Variants in ABHD3 observed in about 807,000 individuals in gnomAD.
ABHD3 encodes the protein phospholipase ABHD3.
ABHD3 carries 46 observed loss-of-function variants against 48.8 expected under a neutral mutation model. The observed-to-expected ratio is 0.94, with a 90% CI of 0.74 to 1.20. ABHD3 has a LOEUF of 1.20. Ranked by LOEUF, ABHD3 falls within the 50% of genes most tolerant of loss-of-function variation. The probability of loss-of-function intolerance (pLI) is 0.00; values close to 1 mark genes in which losing one functional copy is unlikely to be tolerated. For missense variants in ABHD3, 490 were observed against 497.8 expected, an observed-to-expected ratio of 0.98 and a Z score of 0.15; for synonymous variants, 192 against 183.7, an observed-to-expected ratio of 1.04 and a Z score of -0.36.
chr18:21,690,378 A>G (rs1461383677), intron 3 of ABHD3, among the ~76,000 whole-genome samples: 2 of 151,248 alleles, frequency 1.3e-5, no homozygotes, highest in South Asian at 2.1e-4. Context: ...GGGGCAGGCA[A>G]ATCACTTGAG....
chr18:21,658,241 C>T (rs928018382), intron 6 of ABHD3, among the ~76,000 whole-genome samples: 3 of 152,016 alleles, frequency 2.0e-5, no homozygotes, highest in African/African-American at 7.2e-5. Context: ...AGAAAATACA[C>T]AAACAATTCC....
intron 1 of ABHD3, 27 bp from the exon 2 acceptor site, chr18:21,703,774 G>A: frequency 6.2e-7 from 1 of 1,607,318 alleles, no homozygotes; most frequent in South Asian, 1.1e-5. Context: ...TATCAGAGAA[G>A]GGCCCAGAGC....
chr18:21,700,131 C>A (rs1292470638), intron 3 of ABHD3, among the ~76,000 whole-genome samples: 1 of 151,978 alleles, frequency 6.6e-6, no homozygotes, highest in Non-Finnish European at 1.5e-5. Flanking sequence ...GCTCTGTCGC[C>A]CAGGCTGGAG....
Position 21,698,895 on chromosome 18 carries a change from C to G in ABHD3, c.509+3421G>C, listed in dbSNP as rs576084180. ...TGTGCCTGGCTGACATAAACATTTT[C>G]TAAAGACCCACTTTGTGCAGGGCAC... On this transcript the variant is annotated intron_variant, in intron 3 of 8. Coordinates refer to ENST00000289119, the MANE Select transcript of ABHD3 (RefSeq NM_138340.5). Among the ~76,000 whole-genome samples the G allele has an allele frequency of 2.6e-5, 4 of 151,928 alleles. No individual in the cohort carries two copies. The East Asian group carries it at 7.8e-4, about 30-fold the overall frequency.
intron 4 of ABHD3, among the ~76,000 whole-genome samples, chr18:21,668,200 C>CAAAAAAAA (rs747590942): frequency 1.5e-4 from 9 of 61,294 alleles, no homozygotes; most frequent in African/African-American, 2.3e-4. Flanking sequence ...GAATCTATCT[C>CAAAAAAAA]AAAAAAAAAA....
chr18:21,658,096 C>G (rs2850569), intron 6 of ABHD3, among the ~76,000 whole-genome samples: 2,387 of 151,590 alleles, frequency 0.016, 62 homozygotes, highest in African/African-American at 0.054. Flanking sequence ...ACTTGAGAGG[C>G]TGAGATGGGA....
intron 4 of ABHD3, among the ~76,000 whole-genome samples, chr18:21,667,007 C>T (rs1457135950): frequency 6.6e-6 from 1 of 152,092 alleles, no homozygotes; most frequent in Non-Finnish European, 1.5e-5. Context: ...TGTCAATTAA[C>T]CATGATCATG....
chr18:21,683,896 C>T, intron 4 of ABHD3, 24 bp downstream of exon 4: 1 of 1,570,400 alleles, frequency 6.4e-7, no homozygotes, highest in East Asian at 2.3e-5. Context: ...AAAGTTAAGA[C>T]TGTTGTCATT....
At chr18:21,671,033 A>G (rs755493372) in intron 4 of ABHD3, among the ~76,000 whole-genome samples, 6 of 152,000 alleles carry the variant, frequency 3.9e-5, no homozygotes, top group Admixed American at 3.9e-4. Flanking sequence ...AATAAATGTC[A>G]CAACAGGTGA....
At chr18:21,665,571 C>T (rs553181080) in intron 4 of ABHD3, among the ~76,000 whole-genome samples, 1 of 152,212 alleles carries the variant, frequency 6.6e-6, no homozygotes, top group East Asian at 1.9e-4. Flanking sequence ...AATCCCAGCA[C>T]TTTGGGAGGC....
At chr18:21,695,818 T>C (rs2040357387) in intron 3 of ABHD3, among the ~76,000 whole-genome samples, 1 of 152,172 alleles carries the variant, frequency 6.6e-6, no homozygotes, top group Non-Finnish European at 1.5e-5. Flanking sequence ...TCCTTTCTGA[T>C]GTACATTTCC....
intron 3 of ABHD3, among the ~76,000 whole-genome samples, chr18:21,687,802 A>G (rs945073717): frequency 6.6e-6 from 1 of 152,214 alleles, no homozygotes; most frequent in Non-Finnish European, 1.5e-5. Flanking sequence ...TACCTATAGC[A>G]CAGAGTTTCT....
intron 3 of ABHD3, among the ~76,000 whole-genome samples, chr18:21,689,549 CAAAAAAAAAAAAAAA>C (rs36011228): frequency 2.6e-4 from 11 of 41,810 alleles, no homozygotes; most frequent in African/African-American, 1.3e-3. Context: ...AATCTGGTCT[CAAAAAAAAAAAAAAA>C]AAAAAAAAAA....
chr18:21,690,305 AC>A (rs957085928), intron 3 of ABHD3, among the ~76,000 whole-genome samples: 5 of 152,076 alleles, frequency 3.3e-5, no homozygotes, highest in Admixed American at 6.6e-5. Flanking sequence ...TAAAAAAAAA[AC>A]AACATACATG....
chr18:21,656,803 A>T (rs1314534242), intron 8 of ABHD3, 58 bp downstream of exon 8: 1 of 1,418,446 alleles, frequency 7.0e-7, no homozygotes, highest in Non-Finnish European at 9.4e-7. Context: ...TTCCTTAAAA[A>T]TAACAATATA....
At chr18:21,673,396 C>T (rs776927176) in intron 4 of ABHD3, among the ~76,000 whole-genome samples, 20 of 151,924 alleles carry the variant, frequency 1.3e-4, no homozygotes, top group Non-Finnish European at 2.4e-4. Flanking sequence ...CAGGTTCAAG[C>T]GATTCTCCTG....
chr18:21,689,410 G>A (rs942898008), intron 3 of ABHD3, among the ~76,000 whole-genome samples: 2 of 151,780 alleles, frequency 1.3e-5, no homozygotes, highest in Admixed American at 6.6e-5. Context: ...TTAGCCATGC[G>A]TGGTGGCAGG....
At chr18:21,687,956 G>C (rs1444747290) in intron 3 of ABHD3, among the ~76,000 whole-genome samples, 1 of 152,214 alleles carries the variant, frequency 6.6e-6, no homozygotes, top group African/African-American at 2.4e-5. Context: ...AACCAAAAAT[G>C]TCTCCAGACA....
chr18:21,651,906 G>T, intron 8 of ABHD3, 143 bp from the exon 9 acceptor site: 1 of 715,022 alleles, frequency 1.4e-6, no homozygotes, highest in Non-Finnish European at 2.2e-6. Context: ...TATATGTAAT[G>T]AGCATAGTTA....
Sources: allele counts gnomAD v4.1 joint callset (sites outside exome capture counted in the v4.1 genomes callset), GRCh38; gene constraint gnomAD v4.1.1; transcripts MANE v1.5; gene names NCBI Gene and HGNC (gene_info 2026-07-23, HGNC 2026-07-21).